MAGI1: variants seen among roughly 807,000 people sequenced by gnomAD.
MAGI1 encodes the protein membrane associated guanylate kinase, WW and PDZ domain containing 1.
A neutral mutation model predicts 139.9 loss-of-function variants in MAGI1; 58 were observed. The observed-to-expected ratio is 0.41, with a 90% CI of 0.34 to 0.52. The LOEUF (loss-of-function observed/expected upper bound fraction) is 0.52. MAGI1 is among the 20% of genes least tolerant of loss of function. MAGI1 has a pLI of 0.12. For missense variants in MAGI1, 1,874 were observed against 1,901.6 expected, an observed-to-expected ratio of 0.99 and a Z score of 0.27; for synonymous variants, 812 against 737.9, an observed-to-expected ratio of 1.10 and a Z score of -1.63.
At chr3:65,458,362 G>GTT (rs1207484703) in intron 5 of MAGI1, among the ~76,000 whole-genome samples, 1 of 137,492 alleles carries the variant, frequency 7.3e-6, no homozygotes. Context: ...CTGTTTGTTT[G>GTT]TTTTTTTTTT....
At chr3:65,880,191 G>A (rs1317792090) in intron 1 of MAGI1, among the ~76,000 whole-genome samples, 2 of 152,168 alleles carry the variant, frequency 1.3e-5, no homozygotes, top group East Asian at 3.9e-4. Flanking sequence ...GCATTAAGCT[G>A]AGATTGCACC....
chr3:65,447,468 T>C (rs1347347061), intron 7 of MAGI1, among the ~76,000 whole-genome samples: 1 of 152,154 alleles, frequency 6.6e-6, no homozygotes, highest in Non-Finnish European at 1.5e-5. Context: ...AACCACTCAC[T>C]ACAATGGCAA....
chr3:65,982,222 T>C (rs2065619277), intron 1 of MAGI1, among the ~76,000 whole-genome samples: 3 of 152,216 alleles, frequency 2.0e-5, no homozygotes, highest in Admixed American at 1.3e-4. Flanking sequence ...GGAAGAGGTC[T>C]TGACTTAGGA....
At chr3:65,803,353 CCTCAATG>C (rs1559897645) in intron 1 of MAGI1, among the ~76,000 whole-genome samples, 1 of 151,792 alleles carries the variant, frequency 6.6e-6, no homozygotes, top group Non-Finnish European at 1.5e-5. Context: ...ATACATTTTC[CCTCAATG>C]CTCAATGCTT....
chr3:65,907,942 C>G (rs1047949543), intron 1 of MAGI1, among the ~76,000 whole-genome samples: 1 of 152,184 alleles, frequency 6.6e-6, no homozygotes, highest in Admixed American at 6.5e-5. Context: ...CTCCATCACT[C>G]TCTGTGGAAT....
intron 12 of MAGI1, among the ~76,000 whole-genome samples, chr3:65,411,357 T>A (rs1240117001): frequency 6.6e-6 from 1 of 152,186 alleles, no homozygotes; most frequent in African/African-American, 2.4e-5. Context: ...TACTTAAGGG[T>A]TGACCATGTA....
intron 2 of MAGI1, among the ~76,000 whole-genome samples, chr3:65,588,693 A>G (rs989684223): frequency 1.3e-5 from 2 of 152,190 alleles, no homozygotes; most frequent in Non-Finnish European, 1.5e-5. Flanking sequence ...AGGGCAATGT[A>G]CTGTCTGTCA....
intron 2 of MAGI1, among the ~76,000 whole-genome samples, chr3:65,552,423 C>A (rs1357180754): frequency 1.3e-5 from 2 of 152,166 alleles, no homozygotes; most frequent in Non-Finnish European, 2.9e-5. Context: ...CCAAAAGAAG[C>A]TTCCGTTTAA....
intron 1 of MAGI1, among the ~76,000 whole-genome samples, chr3:65,834,902 C>T (rs556989487): frequency 6.6e-6 from 1 of 152,250 alleles, no homozygotes; most frequent in African/African-American, 2.4e-5. Flanking sequence ...ACAGCCATTA[C>T]TGCTTTCTTT....
chr3:65,928,408 A>C (rs1402272045), intron 1 of MAGI1, among the ~76,000 whole-genome samples: 1 of 152,228 alleles, frequency 6.6e-6, no homozygotes, highest in East Asian at 1.9e-4. Context: ...AACTTAAAGA[A>C]AGTTTTTCAG....
chr3:65,421,195 C>T (rs1386724602), intron 12 of MAGI1, among the ~76,000 whole-genome samples: 1 of 152,148 alleles, frequency 6.6e-6, no homozygotes, highest in African/African-American at 2.4e-5. Flanking sequence ...AATAAAATCC[C>T]TGATAACTTT....
intron 1 of MAGI1, among the ~76,000 whole-genome samples, chr3:65,906,869 G>C (rs139985650): frequency 0.013 from 1,945 of 146,732 alleles, 37 homozygotes; most frequent in African/African-American, 0.046. Flanking sequence ...CTGGGCAACA[G>C]AGCAAGACTC....
intron 2 of MAGI1, among the ~76,000 whole-genome samples, chr3:65,516,421 G>A (rs372663750): frequency 1.3e-5 from 2 of 151,944 alleles, no homozygotes; most frequent in Middle Eastern, 3.2e-3. Context: ...CTTGGGATCC[G>A]CCCGCCTGGC....
chr3:65,417,853 A>C (rs974967262), intron 12 of MAGI1, among the ~76,000 whole-genome samples: 4 of 152,158 alleles, frequency 2.6e-5, no homozygotes, highest in African/African-American at 7.2e-5. Context: ...ATACATGATG[A>C]GTCATGTCAA....
At chr3:65,877,210 T>C (rs2060150879) in intron 1 of MAGI1, among the ~76,000 whole-genome samples, 1 of 152,210 alleles carries the variant, frequency 6.6e-6, no homozygotes, top group African/African-American at 2.4e-5. Flanking sequence ...TATAAACTGC[T>C]GTTGGAGATG....
chr3:65,552,262 GTGT>G (rs2079875400), intron 2 of MAGI1, among the ~76,000 whole-genome samples: 1 of 71,692 alleles, frequency 1.4e-5, no homozygotes, highest in African/African-American at 6.2e-5. Context: ...GTATAGGGGT[GTGT>G]GTGTGTGTGT....
chr3:65,560,340 G>A (rs1053375789), intron 2 of MAGI1, among the ~76,000 whole-genome samples: 5 of 152,098 alleles, frequency 3.3e-5, no homozygotes, highest in African/African-American at 9.7e-5. Context: ...AAGGATAAAC[G>A]CTTGAGGGGA....
intron 2 of MAGI1, among the ~76,000 whole-genome samples, chr3:65,536,073 G>C (rs1337064775): frequency 6.6e-6 from 1 of 152,216 alleles, no homozygotes; most frequent in African/African-American, 2.4e-5. Flanking sequence ...CATATGCAAA[G>C]GCAGCTGGCA....
chr3:65,474,067 A>C (rs1172822454), intron 4 of MAGI1, among the ~76,000 whole-genome samples: 1 of 152,168 alleles, frequency 6.6e-6, no homozygotes, highest in Non-Finnish European at 1.5e-5. Context: ...GGAGTTAGAC[A>C]CCAGTCTAGG....
Sources: gnomAD v4.1 joint callset for allele counts (sites outside exome capture counted in the v4.1 genomes callset) on GRCh38, gnomAD v4.1.1 for gene constraint, MANE v1.5 for transcripts, NCBI Gene and HGNC (gene_info 2026-07-23, HGNC 2026-07-21) for gene names.